The following DRC2 variants were observed in gnomAD, a reference collection of about 807,000 sequenced individuals.
The protein encoded by DRC2 is dynein regulatory complex subunit 2, also known as coiled-coil domain containing 65.
chr12:48,905,107 C>A, the DRC2 span: 1 of 1,602,814 alleles, frequency 6.2e-7, no homozygotes, highest in Non-Finnish European at 8.5e-7. Flanking sequence ...AGGACAATGT[C>A]ATCAAGGTAG....
At chr12:48,904,344 A>C in the DRC2 span, 2 of 1,613,450 alleles carry the variant, frequency 1.2e-6, no homozygotes, top group Non-Finnish European at 1.7e-6. Context: ...CCCATGCCTA[A>C]GAAAGAAAAA....
chr12:48,920,709 T>C, the DRC2 span, among the ~76,000 whole-genome samples: 1 of 151,706 alleles, frequency 6.6e-6, no homozygotes, highest in Non-Finnish European at 1.5e-5. Flanking sequence ...TTTGTAGAGA[T>C]GGGGTCTTTC....
chr12:48,914,847 TTTTA>T, the DRC2 span, among the ~76,000 whole-genome samples: 1 of 151,944 alleles, frequency 6.6e-6, no homozygotes, highest in Non-Finnish European at 1.5e-5. Flanking sequence ...TTCTTTATTG[TTTTA>T]TTTTTTTATT....
chr12:48,907,214 C>T, the DRC2 span, among the ~76,000 whole-genome samples: 8 of 151,224 alleles, frequency 5.3e-5, no homozygotes, highest in Non-Finnish European at 1.2e-4. Flanking sequence ...GACTCCGTCT[C>T]AAAAAAAACA....
chr12:48,912,243 AGAGT>A, the DRC2 span, among the ~76,000 whole-genome samples: 5 of 151,792 alleles, frequency 3.3e-5, no homozygotes, highest in Non-Finnish European at 7.4e-5. Context: ...CCTGGGCGAC[AGAGT>A]GAGACTCCAT....
At chr12:48,921,219 G>A in the DRC2 span, 3 of 1,614,190 alleles carry the variant, frequency 1.9e-6, no homozygotes, top group Non-Finnish European at 2.5e-6. Context: ...GTACAACAAA[G>A]TGAAACTGGA....
chr12:48,917,147 G>A, the DRC2 span: 10 of 1,609,992 alleles, frequency 6.2e-6, no homozygotes, highest in Non-Finnish European at 8.5e-6. Context: ...GTGGGAGGAG[G>A]TGATAGAAAA....
At chr12:48,914,020 C>T in the DRC2 span, among the ~76,000 whole-genome samples, 1 of 149,764 alleles carries the variant, frequency 6.7e-6, no homozygotes, top group Non-Finnish European at 1.5e-5. Flanking sequence ...ACTTTGAACT[C>T]CTGGGCTTAA....
the DRC2 span, among the ~76,000 whole-genome samples, chr12:48,917,539 G>A: frequency 6.6e-6 from 1 of 152,140 alleles, no homozygotes; most frequent in African/African-American, 2.4e-5. Flanking sequence ...AGCCAACACA[G>A]TCAATAAAAC....
At chr12:48,915,843 C>T in the DRC2 span, among the ~76,000 whole-genome samples, 6 of 151,044 alleles carry the variant, frequency 4.0e-5, no homozygotes, top group East Asian at 3.9e-4. Context: ...ACTTCTCAGA[C>T]GGGGCAGCTG....
chr12:48,918,449 A>G, the DRC2 span: 1 of 1,614,010 alleles, frequency 6.2e-7, no homozygotes, highest in Non-Finnish European at 8.5e-7. Flanking sequence ...TGAAGTACAG[A>G]TGAAAAAAAT....
At chr12:48,921,538 A>G in the DRC2 span, 3 of 1,492,692 alleles carry the variant, frequency 2.0e-6, no homozygotes, top group South Asian at 4.2e-5. Context: ...TTTTTGAGAA[A>G]TGTAGGGATG....
chr12:48,904,479 T>C, the DRC2 span: 3,242 of 1,613,334 alleles, frequency 2.0e-3, 9 homozygotes, highest in South Asian at 4.4e-3. Context: ...GTGATGGCCT[T>C]TTGCATTATG....
chr12:48,908,348 C>T, the DRC2 span, among the ~76,000 whole-genome samples: 3 of 151,924 alleles, frequency 2.0e-5, no homozygotes, highest in Non-Finnish European at 2.9e-5. Context: ...CCACTGGGCT[C>T]GGTCCATCCT....
At chr12:48,904,900 C>G in the DRC2 span, 1 of 1,488,890 alleles carries the variant, frequency 6.7e-7, no homozygotes, top group Non-Finnish European at 9.1e-7. Context: ...GTTTGTTGTA[C>G]TGAAAGGCCC....
chr12:48,915,773 G>A, the DRC2 span, among the ~76,000 whole-genome samples: 1 of 150,936 alleles, frequency 6.6e-6, no homozygotes, highest in Admixed American at 6.6e-5. Flanking sequence ...TGGCCGGGCG[G>A]GGGGCTGACC....
the DRC2 span, among the ~76,000 whole-genome samples, chr12:48,909,494 T>C: frequency 1.7e-4 from 26 of 152,200 alleles, no homozygotes; most frequent in African/African-American, 5.3e-4. Flanking sequence ...ATTTATTTTT[T>C]TGAGACGGAG....
chr12:48,914,121 A>C, the DRC2 span, among the ~76,000 whole-genome samples: 1 of 150,726 alleles, frequency 6.6e-6, no homozygotes, highest in African/African-American at 2.4e-5. Flanking sequence ...GTTTTTGTAG[A>C]GATGGGGGGG....
chr12:48,914,561 T>C, the DRC2 span: 4 of 1,613,778 alleles, frequency 2.5e-6, no homozygotes, highest in African/African-American at 5.3e-5. Context: ...ACCAAGGAGT[T>C]TGAGACAGAA....
Sources: allele counts gnomAD v4.1 joint callset (sites outside exome capture counted in the v4.1 genomes callset), GRCh38; gene constraint gnomAD v4.1.1; transcripts MANE v1.5; gene names NCBI Gene and HGNC (gene_info 2026-07-23, HGNC 2026-07-21).